Variants in ARHGAP28 observed in about 807,000 individuals in gnomAD.
ARHGAP28 encodes rho GTPase-activating protein 28.
Under a neutral mutation model 90.7 loss-of-function variants are expected in ARHGAP28, and 56 were observed. The observed-to-expected ratio is 0.62, with a 90% CI of 0.50 to 0.77. ARHGAP28 has a LOEUF of 0.77. Ranked by LOEUF, ARHGAP28 falls within the 30% of genes least tolerant of loss-of-function variation. ARHGAP28 has a pLI of 0.00. For synonymous variants in ARHGAP28, 308 were observed against 323.3 expected, an observed-to-expected ratio of 0.95 and a Z score of 0.51; for missense variants, 869 against 900.9, an observed-to-expected ratio of 0.96 and a Z score of 0.45.
At position 6,870,612 on chromosome 18, in the gene ARHGAP28, C is replaced by T. The variant is rs2057076075; in HGVS notation, c.834C>T (p.Asn278=). The part of the protein sequence containing the change: ...AISDDDFLEK[N]IPPEAEELSF... ...TAGATGATGATTTTCTGGAAAAGAA[C>T]ATTCCACCAGAGGCTGAAGAGCTGT... The change falls in exon 7 of 18, where the codon AAC becomes AAT. Residue 278 remains asparagine (N), a synonymous_variant. Transcript: ENST00000383472. The T allele has an allele frequency of 6.2e-7, 1 of 1,611,940 alleles. No homozygotes were observed. Among genetic ancestry groups the T allele is most frequent in the Non-Finnish European group, 8.5e-7 (1 of 1,178,912 alleles).
chr18:6,863,863 A>G (rs1316835650), intron 5 of ARHGAP28, among the ~76,000 whole-genome samples: 1 of 150,698 alleles, frequency 6.6e-6, no homozygotes. Context: ...GCTCACTGCA[A>G]CCTCCACTTC....
At position 6,828,494 on chromosome 18, in the gene ARHGAP28, G is replaced by A. The variant is rs146780094; in HGVS notation, c.325+3530G>A. Among the ~76,000 whole-genome samples the A allele has an allele frequency of 5.9e-5, 9 of 152,270 alleles. No homozygotes were observed. The East Asian group carries it at 1.7e-3, about 29-fold the overall frequency. On this transcript the variant is annotated intron_variant, in intron 2 of 17. Coordinates refer to ENST00000383472, the MANE Select transcript of ARHGAP28 (RefSeq NM_001366230.1). ...CTTTGGGAACTTGGCCAAAAATTAT[G>A]CCAAGACTGATGTCAGGAAGGATAT...
At chr18:6,803,851 T>C (rs1359740221) in intron 1 of ARHGAP28, among the ~76,000 whole-genome samples, 3 of 152,262 alleles carry the variant, frequency 2.0e-5, no homozygotes, top group Admixed American at 6.5e-5. Context: ...CGATCTTGGC[T>C]CACCGCAAGC....
At chr18:6,850,979 A>C (rs1464523099) in intron 3 of ARHGAP28, 55 bp from the exon 4 acceptor site, 9 of 1,602,428 alleles carry the variant, frequency 5.6e-6, no homozygotes, top group Non-Finnish European at 7.7e-6. Context: ...GTGAATACGC[A>C]GTCATATTTG....
chr18:6,761,887 G>A lies in ARHGAP28; in HGVS notation c.122+31944G>A, dbSNP rs145965211. On this transcript the variant is annotated intron_variant, in intron 1 of 17. Coordinates refer to ENST00000383472, the MANE Select transcript of ARHGAP28 (RefSeq NM_001366230.1). Reference sequence around the variant, plus strand: ...GTAAGAAGATGTATGACAATATAGAGTTGTTGGCACACTCTGTGGTTATAT... The same window carrying A: ...GTAAGAAGATGTATGACAATATAGAATTGTTGGCACACTCTGTGGTTATAT... Among the ~76,000 whole-genome samples, 24 of 152,260 alleles carry A rather than the reference G, an allele frequency of 1.6e-4. No homozygotes were observed. In the East Asian group the frequency reaches 4.6e-3, roughly 29 times the overall value.
chr18:6,833,223 A>G (rs961704902), intron 2 of ARHGAP28, among the ~76,000 whole-genome samples: 1 of 152,078 alleles, frequency 6.6e-6, no homozygotes, highest in African/African-American at 2.4e-5. Flanking sequence ...TAGGTATTAT[A>G]TGTATATATA....
chr18:6,828,099 G>A (rs1381363710), intron 2 of ARHGAP28, among the ~76,000 whole-genome samples: 1 of 152,158 alleles, frequency 6.6e-6, no homozygotes, highest in Non-Finnish European at 1.5e-5. Context: ...CTGCAATCCC[G>A]GCACCTTGGG....
At chr18:6,771,421 G>T (rs141693584) in intron 1 of ARHGAP28, among the ~76,000 whole-genome samples, 3 of 152,224 alleles carry the variant, frequency 2.0e-5, no homozygotes, top group African/African-American at 7.2e-5. Flanking sequence ...TAAAATGTGG[G>T]AGCCAAGAGA....
intron 1 of ARHGAP28, among the ~76,000 whole-genome samples, chr18:6,806,084 G>C (rs201355259): frequency 6.6e-6 from 1 of 151,662 alleles, no homozygotes; most frequent in Non-Finnish European, 1.5e-5. Flanking sequence ...AGTTGAGGCG[G>C]AGTTTCACCA....
intron 3 of ARHGAP28, among the ~76,000 whole-genome samples, chr18:6,838,445 A>G (rs1048442188): frequency 3.3e-5 from 5 of 152,190 alleles, no homozygotes; most frequent in Non-Finnish European, 7.3e-5. Flanking sequence ...CACATTGGGT[A>G]GTTGCCAAGG....
intron 1 of ARHGAP28, among the ~76,000 whole-genome samples, chr18:6,823,684 G>A (rs2056641505): frequency 6.8e-6 from 1 of 147,506 alleles, no homozygotes; most frequent in Non-Finnish European, 1.5e-5. Context: ...ATATTTTCTA[G>A]TATTACCTAC....
At chr18:6,858,805 G>A (rs939585597) in intron 4 of ARHGAP28, among the ~76,000 whole-genome samples, 9 of 151,612 alleles carry the variant, frequency 5.9e-5, no homozygotes, top group Non-Finnish European at 8.8e-5. Context: ...GATTACAGGC[G>A]TGAGCCACCA....
rs1482711465 is a variant in ARHGAP28, at chr18:6,841,194, T to TC, written c.543+3781dup. Among the ~76,000 whole-genome samples the TC allele has an allele frequency of 5.8e-4, 37 of 64,194 alleles. 1 individual carries two copies. Among genetic ancestry groups the TC allele is most frequent in the African/African-American group, 1.0e-3 (12 of 12,054 alleles). The allele number at this position is 64,194 out of a possible 152,430, so 42.1% of individuals were successfully genotyped here. A position where few individuals can be genotyped will look rare whatever the true frequency, so the allele number is the denominator to read the frequency against. On this transcript the variant is annotated intron_variant, in intron 3 of 17. Coordinates refer to ENST00000383472, the MANE Select transcript of ARHGAP28 (RefSeq NM_001366230.1). ...TCTCTCTCTCTCCTCTCTCTCTCTC[T>TC]CTCTCTCTCCTCTCCTCTCTCTCTC...
intron 1 of ARHGAP28, among the ~76,000 whole-genome samples, chr18:6,804,934 A>C (rs2056507348): frequency 6.6e-6 from 1 of 152,224 alleles, no homozygotes; most frequent in African/African-American, 2.4e-5. Context: ...ATACTTACTT[A>C]TTTAGTATCT....
At chr18:6,792,090 C>G (rs1044888325) in intron 1 of ARHGAP28, among the ~76,000 whole-genome samples, 7 of 152,068 alleles carry the variant, frequency 4.6e-5, no homozygotes, top group African/African-American at 1.7e-4. Context: ...AACCACTGTG[C>G]CTGGTTTAAA....
chr18:6,773,739 T>C (rs1317000324), intron 1 of ARHGAP28, among the ~76,000 whole-genome samples: 1 of 152,202 alleles, frequency 6.6e-6, no homozygotes, highest in Non-Finnish European at 1.5e-5. Context: ...CTTTTTGCAA[T>C]CACAACAGTT....
intron 7 of ARHGAP28, among the ~76,000 whole-genome samples, chr18:6,871,079 T>C (rs35399303): frequency 0.067 from 10,186 of 152,232 alleles, 474 homozygotes; most frequent in Middle Eastern, 0.16. Flanking sequence ...GGATTACAGG[T>C]GTGAGCCGCC....
chr18:6,778,308 T>C (rs2143460415), intron 1 of ARHGAP28, among the ~76,000 whole-genome samples: 1 of 152,338 alleles, frequency 6.6e-6, no homozygotes, highest in Middle Eastern at 3.4e-3. Flanking sequence ...ATGTAAAATG[T>C]CCTGGAAACT....
At chr18:6,783,838 A>C (rs1281323553) in intron 1 of ARHGAP28, among the ~76,000 whole-genome samples, 1 of 152,058 alleles carries the variant, frequency 6.6e-6, no homozygotes, top group Non-Finnish European at 1.5e-5. Context: ...GCGTTCCTCT[A>C]TTCTGTACCC....
Sources: gnomAD v4.1 joint callset for allele counts (sites outside exome capture counted in the v4.1 genomes callset) on GRCh38, gnomAD v4.1.1 for gene constraint, MANE v1.5 for transcripts, NCBI Gene and HGNC (gene_info 2026-07-23, HGNC 2026-07-21) for gene names.